ASB14: variants seen among roughly 807,000 people sequenced by gnomAD.
ASB14 encodes ankyrin repeat and SOCS box containing 14, also known as ankyrin repeat and SOCS box protein 14.
ASB14 carries 63 observed loss-of-function variants against 55.6 expected under a neutral mutation model. That is an observed-to-expected ratio of 1.13 (90% CI 0.92 to 1.40). The LOEUF (loss-of-function observed/expected upper bound fraction) is 1.40. Ranked by LOEUF, ASB14 falls within the 40% of genes most tolerant of loss-of-function variation. The pLI, the probability that ASB14 is intolerant of heterozygous loss-of-function variation, is 0.00. For missense variants in ASB14, 724 were observed against 710.4 expected (o/e 1.02, Z -0.22); for synonymous variants, 256 against 259.9 (o/e 0.98, Z 0.15).
chr3:57,268,366 T>TA lies in ASB14; in HGVS notation c.*1274dup. On this transcript the variant is annotated 3_prime_UTR_variant, in exon 11 of 11. Coordinates refer to ENST00000487349, the MANE Select transcript of ASB14 (RefSeq NM_001142733.3). ...CTAAAATTTAAAGTTATTTCATATTTAATTCATTAGTTTTATTCATCTGTT... is the reference window on the plus strand; with the variant it reads ...CTAAAATTTAAAGTTATTTCATATTTAAATTCATTAGTTTTATTCATCTGTT... 6.7e-7 allele frequency: 1 copy of TA among 1,486,916 alleles called. No homozygotes were observed. The highest frequency in any genetic ancestry group is 2.1e-5 in the Admixed American group (1 of 47,732). The allele number at this position is 1,486,916 out of a possible 1,614,324, so 92.1% of individuals were successfully genotyped here. A position where few individuals can be genotyped will look rare whatever the true frequency, so the allele number is the denominator to read the frequency against.
In ASB14 at chr3:57,292,615, A is replaced by G. The variant is rs2061143522; in HGVS notation, c.-72+18T>C. 1.3e-5 allele frequency: 2 copies of G among 152,594 alleles called. No homozygotes were observed. The highest frequency in any genetic ancestry group is 2.9e-5 in the Non-Finnish European group (2 of 68,342). 9.5% of individuals were successfully genotyped at this position (152,594 alleles called of 1,614,324 possible). The stretch of plus-strand genomic sequence containing the variant: ...TTTAGCATAGAATACATTTGGTCAC[A>G]TTTCAAAGACTTTTTACCTTTTGTT... On this transcript the variant is annotated intron_variant, in intron 1 of 10. Coordinates refer to ENST00000487349, the MANE Select transcript of ASB14 (RefSeq NM_001142733.3).
At chr3:57,288,906 G>A (rs1194998397) in intron 3 of ASB14, 162 bp downstream of exon 3, 6 of 482,752 alleles carry the variant, frequency 1.2e-5, no homozygotes, top group Non-Finnish European at 2.2e-5. Flanking sequence ...AGTAGAGACA[G>A]GGGGTTTCAC....
rs1286284423 is a variant in ASB14, at chr3:57,292,048, G to C, written c.-15C>G. The stretch of plus-strand genomic sequence containing the variant: ...TAATTATCCATGTGAAACGTGGACA[G>C]GTTTACTTTAAAGTCAGAGTGAATT... On this transcript the variant is annotated 5_prime_UTR_variant, in exon 2 of 11. Transcript: ENST00000487349. The C allele has an allele frequency of 6.5e-7, 1 of 1,532,556 alleles. No homozygotes were observed. The highest frequency in any genetic ancestry group is 2.5e-5 in the East Asian group (1 of 40,788). 94.9% of individuals were successfully genotyped at this position (1,532,556 alleles called of 1,614,324 possible).
chr3:57,278,503 GA>G lies in ASB14; in HGVS notation c.1304del (p.Val435AlafsTer7). ...CATAGTTCAGCAGCATCCTGAGCAT[GA>G]CTTCATCTTTCAGAGTGTATTGCAG... is the stretch of plus-strand genomic sequence containing the variant. ...SALQYTLKDE[V>X]MLRMLLNYGY... On this transcript the variant is annotated frameshift_variant, in exon 8 of 11. Coordinates refer to ENST00000487349, the MANE Select transcript of ASB14 (RefSeq NM_001142733.3). LOFTEE classifies it high-confidence loss of function. The G allele has an allele frequency of 6.2e-7, 1 of 1,614,152 alleles. No individual in the cohort carries two copies. Among genetic ancestry groups the G allele is most frequent in the Non-Finnish European group, 8.5e-7 (1 of 1,179,998 alleles).
chr3:57,278,573 A>C lies in ASB14; in HGVS notation c.1235T>G (p.Val412Gly), dbSNP rs1384769833. 1 of 1,614,246 alleles carries C rather than the reference A, an allele frequency of 6.2e-7. No individual in the cohort carries two copies. Among genetic ancestry groups the C allele is most frequent in the Non-Finnish European group, 8.5e-7 (1 of 1,180,040 alleles). The change falls in exon 8 of 11, where the codon GTC becomes GGC. Residue 412 changes from valine to glycine, a missense_variant. Val to Gly is a moderately radical substitution (Grantham distance 109). Transcript: ENST00000487349. The part of the protein sequence containing the change: ...ISLLLRHGAN[V>G]NYFCRVNPLH... ...AGGGTTAACTCTGCAGAAGTAATTG[A>C]CATTGGCCCCATGCCTTAGCAGCAG...
At chr3:57,286,787 T>C (rs1248120515) in intron 5 of ASB14, among the ~76,000 whole-genome samples, 3 of 152,214 alleles carry the variant, frequency 2.0e-5, no homozygotes, top group African/African-American at 7.2e-5. Context: ...GGAAATCATT[T>C]TCTTGACTTA....
chr3:57,274,933 T>C (rs776315464), intron 10 of ASB14, among the ~76,000 whole-genome samples: 34 of 152,154 alleles, frequency 2.2e-4, no homozygotes, highest in Non-Finnish European at 3.5e-4. Context: ...GAAATTTCAA[T>C]TGAGGGTTCT....
chr3:57,291,632 C>T (rs953617145), intron 2 of ASB14, among the ~76,000 whole-genome samples: 1 of 148,300 alleles, frequency 6.7e-6, no homozygotes, highest in Non-Finnish European at 1.5e-5. Flanking sequence ...TTTTCTCTAG[C>T]CCTTCATATC....
At chr3:57,278,093 C>T (rs1188317277) in intron 8 of ASB14, among the ~76,000 whole-genome samples, 173 bp from the exon 9 acceptor site, 1 of 152,052 alleles carries the variant, frequency 6.6e-6, no homozygotes, top group Non-Finnish European at 1.5e-5. Flanking sequence ...TTTTTTTCAT[C>T]AGAAATAAGA....
rs1042148459 is a variant in ASB14 at position 57,279,482 on chromosome 3, C to T, written c.888-562G>A. Among the ~76,000 whole-genome samples the T allele has an allele frequency of 2.6e-5, 4 of 151,842 alleles. 1 individual carries two copies. The highest frequency in any genetic ancestry group is 2.1e-4 in the South Asian group (1 of 4,808). On this transcript the variant is annotated intron_variant, in intron 7 of 10. Transcript: ENST00000487349. The stretch of plus-strand genomic sequence containing the variant: ...TTGGGAGGCCGAGGAGGGCGGATCA[C>T]GAGGTTAAGAGATTGAGACCATCCT...
In ASB14 at chr3:57,278,549, G is replaced by A. The variant is rs762261368; in HGVS notation, c.1259C>T (p.Pro420Leu). ...TTGCAGTGCTGATGGGAAATGTAAA[G>A]GGTTAACTCTGCAGAAGTAATTGAC... ...ANVNYFCRVN[P>L]LHFPSALQYT... Residue 420 changes from proline (P) to leucine (L), a missense_variant, in exon 8 of 11, where the codon CCT becomes CTT. By Grantham distance (98) the Pro-to-Leu change is moderately conservative (BLOSUM62 -3). Transcript: ENST00000487349. The A allele has an allele frequency of 6.2e-7, 1 of 1,614,064 alleles. No homozygotes were observed. The highest frequency in any genetic ancestry group is 1.3e-5 in the African/African-American group (1 of 74,922).
At position 57,280,374 on chromosome 3, in the gene ASB14, C is replaced by G. The variant is rs2061030385; in HGVS notation, c.815G>C (p.Gly272Ala). Residue 272 changes from glycine (G) to alanine (A), a missense_variant, in exon 7 of 11, where the codon GGA (glycine) becomes GCA (alanine). Transcript: ENST00000487349. Reference sequence around the variant, plus strand: ...ATTCTTAGGGATGTTGGCATCAGCTCCATACTCCAGCAAGAGAGCCACAGC... The same window carrying G: ...ATTCTTAGGGATGTTGGCATCAGCTGCATACTCCAGCAAGAGAGCCACAGC... Reference protein sequence around the residue: ...PDAVALLLEYGADANIPKNSG... With the variant: ...PDAVALLLEYAADANIPKNSG... 6.4e-7 allele frequency: 1 copy of G among 1,551,478 alleles called. No homozygotes were observed. The highest frequency in any genetic ancestry group is 8.7e-7 in the Non-Finnish European group (1 of 1,146,872).
chr3:57,286,405 A>G (rs1231665770), intron 5 of ASB14, among the ~76,000 whole-genome samples: 4 of 140,750 alleles, frequency 2.8e-5, no homozygotes, highest in Non-Finnish European at 6.6e-5. Context: ...TTATTTCTAC[A>G]TGTTACATTT....
At position 57,278,707 on chromosome 3, in the gene ASB14, A is replaced by C; in HGVS notation, c.1101T>G (p.Ser367Arg). 6.2e-7 allele frequency: 1 copy of C among 1,614,126 alleles called. No homozygotes were observed. The highest frequency in any genetic ancestry group is 2.2e-5 in the East Asian group (1 of 44,856). ...KSALYFAVSN[S>R]DLSSVKLLLS... ...GAAGCAGCTTGACTGAAGAGAGGTC[A>C]CTGTTTGATACAGCAAAATACAAAG... is the stretch of plus-strand genomic sequence containing the variant. Residue 367 changes from serine (S) to arginine (R), a missense_variant, in exon 8 of 11, where the codon AGT (serine) becomes AGG (arginine). Coordinates refer to ENST00000487349, the MANE Select transcript of ASB14 (RefSeq NM_001142733.3).
chr3:57,279,009 G>C, intron 7 of ASB14, 89 bp from the exon 8 acceptor site: 2 of 1,246,586 alleles, frequency 1.6e-6, no homozygotes, highest in East Asian at 5.0e-5. Flanking sequence ...ATACTAGATA[G>C]TATCAGTATT....
At chr3:57,270,153 G>A (rs2060926432) in intron 10 of ASB14, 1 of 152,722 alleles carries the variant, frequency 6.5e-6, no homozygotes, top group South Asian at 2.1e-4. Context: ...CTACAAGTTT[G>A]CAAATATTTT....
chr3:57,291,124 C>A lies in ASB14; in HGVS notation c.122+788G>T, dbSNP rs572144211. 7.9e-5 allele frequency among the ~76,000 whole-genome samples: 12 copies of A among 152,296 alleles called. No homozygotes were observed. The South Asian group carries it at 2.5e-3, about 32-fold the overall frequency. ...TTATGAAGTGCTTAAAATAACATGA[C>A]ACATAGTGATCACTCCATGGTTTGT... On this transcript the variant is annotated intron_variant, in intron 2 of 10. Transcript: ENST00000487349.
intron 3 of ASB14, 36 bp from the exon 4 acceptor site, chr3:57,288,322 G>T: frequency 1.3e-6 from 2 of 1,533,676 alleles, no homozygotes; most frequent in African/African-American, 1.4e-5. Context: ...ATTCACATTT[G>T]GCACACTTAC....
Position 57,292,245 on chromosome 3 carries a change from C to G in ASB14, c.-71-141G>C, listed in dbSNP as rs943429933. On this transcript the variant is annotated intron_variant, in intron 1 of 10. Transcript: ENST00000487349. ...AAAGTTTTGTGGACTGCCACAGATT[C>G]AACAAAAATTAGAAGTTTCCATGAG... is the stretch of plus-strand genomic sequence containing the variant. 1.6e-5 allele frequency: 8 copies of G among 506,398 alleles called. No individual in the cohort carries two copies. The Admixed American group carries it at 2.9e-4, about 18-fold the overall frequency. The allele number at this position is 506,398 out of a possible 1,614,324, so 31.4% of individuals were successfully genotyped here. A position where few individuals can be genotyped will look rare whatever the true frequency, so the allele number is the denominator to read the frequency against.
Sources: allele counts gnomAD v4.1 joint callset (sites outside exome capture counted in the v4.1 genomes callset), GRCh38; gene constraint gnomAD v4.1.1; transcripts MANE v1.5; gene names NCBI Gene and HGNC (gene_info 2026-07-23, HGNC 2026-07-21).